TMEM65: variants seen among roughly 807,000 people sequenced by gnomAD.
TMEM65 encodes transmembrane protein 65.
Under a neutral mutation model 25.4 loss-of-function variants are expected in TMEM65, and 22 were observed. That is an observed-to-expected ratio of 0.86 (90% confidence interval 0.62 to 1.23). The LOEUF (loss-of-function observed/expected upper bound fraction) is 1.23. TMEM65 is among the 50% of genes most tolerant of loss of function. The pLI, the probability that TMEM65 is intolerant of heterozygous loss-of-function variation, is 0.00. For synonymous variants in TMEM65, 132 were observed against 126.2 expected (o/e 1.05, Z -0.31); for missense variants, 262 against 308.2 (o/e 0.85, Z 1.12).
intron 1 of TMEM65, among the ~76,000 whole-genome samples, chr8:124,367,337 A>G (rs1814951898): frequency 6.6e-6 from 1 of 152,062 alleles, no homozygotes; most frequent in African/African-American, 2.4e-5. Flanking sequence ...AGCCAATCAC[A>G]GTGGTGCATG....
intron 6 of TMEM65, among the ~76,000 whole-genome samples, chr8:124,318,098 C>G (rs1814259258): frequency 6.6e-6 from 1 of 152,214 alleles, no homozygotes; most frequent in Non-Finnish European, 1.5e-5. Flanking sequence ...CAAGCTTGCT[C>G]TAGATGGAGG....
chr8:124,353,226 G>C (rs934160312), intron 1 of TMEM65, among the ~76,000 whole-genome samples: 5 of 152,170 alleles, frequency 3.3e-5, no homozygotes, highest in African/African-American at 9.7e-5. Context: ...GTTGGTGCAA[G>C]GAGGGCATCT....
In TMEM65 at chr8:124,307,814, A is replaced by G. The variant is rs1427406156; in HGVS notation, c.*6146T>C. Reference sequence around the variant, plus strand: ...CCAGATGCCATTAAGAAAATCATTGAGGAGAAAGCATATCTACCAAAACAG... The same window carrying G: ...CCAGATGCCATTAAGAAAATCATTGGGGAGAAAGCATATCTACCAAAACAG... On this transcript the variant is annotated 3_prime_UTR_variant, in exon 7 of 7. Coordinates refer to ENST00000297632, the MANE Select transcript of TMEM65 (RefSeq NM_194291.3). 1 of 152,220 alleles carries G rather than the reference A, an allele frequency of 6.6e-6. No homozygotes were observed. The highest frequency in any genetic ancestry group is 6.5e-5 in the Admixed American group (1 of 15,274). 9.4% of individuals were successfully genotyped at this position (152,220 alleles called of 1,614,324 possible). A position where few individuals can be genotyped will look rare whatever the true frequency, so the allele number is the denominator to read the frequency against.
At chr8:124,365,293 G>T (rs1814923844) in intron 1 of TMEM65, among the ~76,000 whole-genome samples, 1 of 152,130 alleles carries the variant, frequency 6.6e-6, no homozygotes, top group Admixed American at 6.5e-5. Flanking sequence ...ATTTAGTCAA[G>T]AATTTAGAAG....
chr8:124,353,549 C>T (rs1293267252), intron 1 of TMEM65, among the ~76,000 whole-genome samples: 4 of 151,902 alleles, frequency 2.6e-5, no homozygotes, highest in Non-Finnish European at 5.9e-5. Flanking sequence ...TAGTTATGAG[C>T]ACACCTAACA....
intron 1 of TMEM65, among the ~76,000 whole-genome samples, chr8:124,340,086 A>G (rs1433213265): frequency 6.6e-6 from 1 of 152,202 alleles, no homozygotes; most frequent in African/African-American, 2.4e-5. Context: ...AAGGCAAGTA[A>G]AAACATCTTA....
chr8:124,349,546 G>A (rs1404234112), intron 1 of TMEM65, among the ~76,000 whole-genome samples: 1 of 152,130 alleles, frequency 6.6e-6, no homozygotes, highest in East Asian at 1.9e-4. Flanking sequence ...AAATGTATTA[G>A]AGTGAAAAAC....
intron 1 of TMEM65, among the ~76,000 whole-genome samples, chr8:124,362,260 TC>T (rs1814876817): frequency 6.6e-6 from 1 of 152,204 alleles, no homozygotes; most frequent in African/African-American, 2.4e-5. Flanking sequence ...AAAAATAATT[TC>T]ATCTATCTAG....
chr8:124,324,679 A>G (rs1458346930), intron 3 of TMEM65, among the ~76,000 whole-genome samples: 1 of 152,056 alleles, frequency 6.6e-6, no homozygotes, highest in African/African-American at 2.4e-5. Flanking sequence ...ACATTTAAAA[A>G]ATAGTTAAGT....
intron 1 of TMEM65, among the ~76,000 whole-genome samples, chr8:124,334,632 G>C (rs549235129): frequency 2.7e-5 from 4 of 150,852 alleles, no homozygotes; most frequent in African/African-American, 9.7e-5. Flanking sequence ...GGTATGGTAG[G>C]GGGTACCTAT....
At chr8:124,337,982 GTTTA>G (rs1207076393) in intron 1 of TMEM65, among the ~76,000 whole-genome samples, 1 of 151,850 alleles carries the variant, frequency 6.6e-6, no homozygotes, top group Non-Finnish European at 1.5e-5. Flanking sequence ...AATTTATTTG[GTTTA>G]TTTTTCATTA....
rs186846988 is a variant in TMEM65 at position 124,326,535 on chromosome 8, A to C, written c.417+819T>G. On this transcript the variant is annotated intron_variant, in intron 3 of 6. Transcript: ENST00000297632. The stretch of plus-strand genomic sequence containing the variant: ...CACACTGCCTTCTCGGAAACTACTA[A>C]AATCTGAGTTGGCTAGATTATTTAA... 4.4e-3 allele frequency among the ~76,000 whole-genome samples: 673 copies of C among 152,146 alleles called. 7 individuals are homozygous for C. The highest frequency in any genetic ancestry group is 0.015 in the African/African-American group (622 of 41,562).
At chr8:124,368,985 T>C (rs1374406261) in intron 1 of TMEM65, among the ~76,000 whole-genome samples, 2 of 152,238 alleles carry the variant, frequency 1.3e-5, no homozygotes, top group Non-Finnish European at 2.9e-5. Flanking sequence ...TAAAAAATAA[T>C]TATAAATGGA....
rs1470003887 is a variant in TMEM65 at position 124,310,952 on chromosome 8, T to C, written c.*3008A>G. The C allele has an allele frequency of 6.6e-6, 1 of 152,176 alleles. No homozygotes were observed. Among genetic ancestry groups the C allele is most frequent in the East Asian group, 1.9e-4 (1 of 5,202 alleles). 9.4% of individuals were successfully genotyped at this position (152,176 alleles called of 1,614,324 possible). ...AAGAAAAAGGTTATATTATATTTAA[T>C]ATACTGTCTTAAGATGGCGAGAAAA... On this transcript the variant is annotated 3_prime_UTR_variant, in exon 7 of 7. Transcript: ENST00000297632.
At chr8:124,362,613 G>T (rs952224306) in intron 1 of TMEM65, among the ~76,000 whole-genome samples, 10 of 123,942 alleles carry the variant, frequency 8.1e-5, no homozygotes, top group African/African-American at 3.1e-4. Context: ...AGTGAGCCAA[G>T]ATCATGCTAT....
intron 6 of TMEM65, among the ~76,000 whole-genome samples, chr8:124,316,361 C>T (rs777362369): frequency 6.6e-6 from 1 of 152,150 alleles, no homozygotes; most frequent in Non-Finnish European, 1.5e-5. Flanking sequence ...TTAAAATACA[C>T]CTGTGTCAAC....
At chr8:124,323,178 G>C in intron 4 of TMEM65, 143 bp downstream of exon 4, 1 of 508,302 alleles carries the variant, frequency 2.0e-6, no homozygotes, top group Non-Finnish European at 3.5e-6. Flanking sequence ...ACAAAACTAA[G>C]AATCAGAAGA....
intron 1 of TMEM65, among the ~76,000 whole-genome samples, chr8:124,355,259 T>A (rs72711181): frequency 0.36 from 54,598 of 150,716 alleles, 10,526 homozygotes; most frequent in Non-Finnish European, 0.43. Context: ...AAAAAAAAAA[T>A]TCTAGGACGT....
At chr8:124,337,966 ATACT>A (rs940267798) in intron 1 of TMEM65, among the ~76,000 whole-genome samples, 12 of 152,118 alleles carry the variant, frequency 7.9e-5, no homozygotes, top group South Asian at 2.1e-4. Flanking sequence ...AACATCTAAA[ATACT>A]TAATTTATTT....
Sources: gnomAD v4.1 joint callset for allele counts (sites outside exome capture counted in the v4.1 genomes callset) on GRCh38, gnomAD v4.1.1 for gene constraint, MANE v1.5 for transcripts, NCBI Gene and HGNC (gene_info 2026-07-23, HGNC 2026-07-21) for gene names.